The following ELL3 variants were observed in gnomAD, a reference collection of about 807,000 sequenced individuals.
ELL3 encodes the protein RNA polymerase II elongation factor ELL3.
Under a neutral mutation model 58.5 loss-of-function variants are expected in ELL3, and 48 were observed. The ratio of observed to expected loss-of-function variants is 0.82; its 90% CI spans 0.65 to 1.04. The LOEUF (loss-of-function observed/expected upper bound fraction) is 1.04, where lower values mean the gene tolerates loss of function less well. ELL3 is among the 50% of genes least tolerant of loss of function. The pLI is 0.00. For missense variants in ELL3, 458 were observed against 478.4 expected, an observed-to-expected ratio of 0.96 and a Z score of 0.40; for synonymous variants, 174 against 173.2, an observed-to-expected ratio of 1.00 and a Z score of -0.04.
intron 2 of ELL3, 132 bp from the exon 3 acceptor site, chr15:43,776,283 A>T: frequency 9.2e-7 from 1 of 1,091,372 alleles, no homozygotes. Flanking sequence ...CACCAGGTGC[A>T]GCTGGGCCTG....
intron 2 of ELL3, 141 bp from the exon 3 acceptor site, chr15:43,776,292 T>C (rs1377056564): frequency 3.7e-6 from 4 of 1,091,662 alleles, no homozygotes; most frequent in South Asian, 1.4e-5. Flanking sequence ...CAGCTGGGCC[T>C]GAGTTCCCCA....
At chr15:43,776,746 A>G in intron 1 of ELL3, 24 bp downstream of exon 1, 2 of 1,592,456 alleles carry the variant, frequency 1.3e-6, no homozygotes, top group Non-Finnish European at 1.7e-6. Context: ...GGCAGTGACT[A>G]GAGAAGAAGG....
rs1294654588 is a variant in ELL3 at position 43,773,224 on chromosome 15, C to T, written c.1086G>A (p.Gln362=). 2 of 1,613,796 alleles carry T rather than the reference C, an allele frequency of 1.2e-6. No individual in the cohort carries two copies. The part of the protein sequence containing the change: ...IIQEYKKFRK[Q]YPSYREEKRR... The stretch of plus-strand genomic sequence containing the variant: ...GCTTTTCTTCTCTGTAACTTGGGTA[C>T]TGCTGCAGAGAAAAAGCATCCATGT... Residue 362 remains glutamine (Q), a splice_region_variant and synonymous_variant, in exon 11 of 11, where the codon CAG becomes CAA. Transcript: ENST00000319359.
chr15:43,774,208 C>T lies in ELL3; in HGVS notation c.1012G>A (p.Val338Ile). 6.2e-7 allele frequency: 1 copy of T among 1,614,202 alleles called. No homozygotes were observed. The highest frequency in any genetic ancestry group is 8.5e-7 in the Non-Finnish European group (1 of 1,180,044). The part of the protein sequence containing the change: ...FIELGAEIKR[V>I]RRGTPEYKVL... ...TTGTATTCTGGAGTTCCTCGCCGAA[C>T]TCTTTTAATCTCTGCTCCCAGCTCT... The change falls in exon 9 of 11, where the codon GTT becomes ATT. Residue 338 changes from valine to isoleucine, a missense_variant. Physicochemically the swap from Val to Ile is conservative, Grantham distance 29. Coordinates refer to ENST00000319359, the MANE Select transcript of ELL3 (RefSeq NM_025165.3).
At chr15:43,774,447 G>GAACATGTATCATAATAT in intron 8 of ELL3, 29 bp downstream of exon 8, 1 of 1,613,952 alleles carries the variant, frequency 6.2e-7, no homozygotes, top group Non-Finnish European at 8.5e-7. Context: ...AACAAGTCTT[G>GAACATGTATCATAATAT]ATGAAATTGG....
rs552668420 is a variant in ELL3, at chr15:43,775,656, G to GT, written c.484-47_484-46insA. 59 of 1,613,998 alleles carry GT rather than the reference G, an allele frequency of 3.7e-5. 1 individual carries two copies. In the East Asian group the frequency reaches 1.0e-3, roughly 29 times the overall value. On this transcript the variant is annotated intron_variant, in intron 4 of 10. Coordinates refer to ENST00000319359, the MANE Select transcript of ELL3 (RefSeq NM_025165.3). Reference sequence around the variant, plus strand: ...AGCACTTGGTTCCCTGGAGTACTGGGATACCTTGGACTTCAGGCTTTGCCC... The same window carrying GT: ...AGCACTTGGTTCCCTGGAGTACTGGGTATACCTTGGACTTCAGGCTTTGCCC...
At position 43,775,763 on chromosome 15, in the gene ELL3, C is replaced by A. The variant is rs1269200715; in HGVS notation, c.442G>T (p.Glu148Ter). 4 of 1,614,240 alleles carry A rather than the reference C, an allele frequency of 2.5e-6. No individual in the cohort carries two copies. Among genetic ancestry groups the A allele is most frequent in the Non-Finnish European group, 3.4e-6 (4 of 1,180,056 alleles). ...TGTGGCTGTGATACTGCATCTCCTTCAGAATAGCCTCCTGTGTTCTGCCAA... is the reference window on the plus strand; with the variant it reads ...TGTGGCTGTGATACTGCATCTCCTTAAGAATAGCCTCCTGTGTTCTGCCAA... ...ESWQNTGGYS[E>*]GDAVSQPQMA... The change falls in exon 4 of 11, where the codon GAA becomes TAA. Residue 148 changes from glutamate to a stop codon, truncating the protein, a stop_gained. Transcript: ENST00000319359. LOFTEE classifies it high-confidence loss of function.
chr15:43,776,671 C>T, intron 1 of ELL3, 99 bp downstream of exon 1: 5 of 1,545,576 alleles, frequency 3.2e-6, no homozygotes, highest in Non-Finnish European at 4.4e-6. Context: ...CCAGAGCTTG[C>T]GGAAGCCGCT....
chr15:43,776,735 G>T, intron 1 of ELL3, 35 bp downstream of exon 1: 2 of 1,587,296 alleles, frequency 1.3e-6, no homozygotes, highest in South Asian at 1.1e-5. Context: ...AGGTCCCTAG[G>T]GGCAGTGACT....
At chr15:43,775,134 G>A (rs1249384807) in intron 6 of ELL3, among the ~76,000 whole-genome samples, 172 bp downstream of exon 6, 1 of 152,030 alleles carries the variant, frequency 6.6e-6, no homozygotes, top group Non-Finnish European at 1.5e-5. Flanking sequence ...CTGAGCCCAG[G>A]AGTCTCCAGC....
At chr15:43,776,188 AG>A (rs1365165367) in intron 2 of ELL3, 37 bp from the exon 3 acceptor site, 7 of 1,575,332 alleles carry the variant, frequency 4.4e-6, no homozygotes, top group South Asian at 1.1e-5. Flanking sequence ...CCATGAAGTC[AG>A]CCCCTCCCCC....
In ELL3 at chr15:43,774,776, G is replaced by A. The variant is rs1479764195; in HGVS notation, c.646-3C>T. The A allele has an allele frequency of 2.8e-5, 45 of 1,589,370 alleles. No homozygotes were observed. The highest frequency in any genetic ancestry group is 3.4e-5 in the Non-Finnish European group (40 of 1,172,724). On this transcript the variant is annotated splice_polypyrimidine_tract_variant and splice_region_variant and intron_variant, in intron 6 of 10. Transcript: ENST00000319359. The stretch of plus-strand genomic sequence containing the variant: ...GTGGCTACAGGCACTGAACGTTTCT[G>A]TTGAGGAAAATATCTGTGTGACATA...
Position 43,775,903 on chromosome 15 carries a change from T to C in ELL3, c.302A>G (p.His101Arg), listed in dbSNP as rs755852238. Residue 101 changes from histidine to arginine, a missense_variant, in exon 4 of 11, where the codon CAC becomes CGC. His to Arg is a conservative substitution (Grantham distance 29, BLOSUM62 0). Coordinates refer to ENST00000319359, the MANE Select transcript of ELL3 (RefSeq NM_025165.3). ...GCGCTCCCTGAGTGAGCCCAGGCAG[T>C]GGAGGCTGTTAGGCCCAGACCTGGA... ...RFLRSGPNSL[H>R]CLGSLRERLI... 125 of 1,613,964 alleles carry C rather than the reference T, an allele frequency of 7.7e-5. No individual in the cohort carries two copies. The highest frequency in any genetic ancestry group is 9.8e-5 in the Non-Finnish European group (116 of 1,180,018).
chr15:43,776,597 A>G, intron 1 of ELL3, 53 bp from the exon 2 acceptor site: 1 of 1,554,698 alleles, frequency 6.4e-7, no homozygotes, highest in Non-Finnish European at 8.7e-7. Flanking sequence ...CAGTGTCCCC[A>G]GGATCCGGCG....
At position 43,776,540 on chromosome 15, in the gene ELL3, C is replaced by T; in HGVS notation, c.137G>A (p.Arg46Gln). 1 of 1,568,082 alleles carries T rather than the reference C, an allele frequency of 6.4e-7. No homozygotes were observed. Among genetic ancestry groups the T allele is most frequent in the African/African-American group, 1.3e-5 (1 of 74,132 alleles). ...ALQECQRQQV[R>Q]PVIAFQGHRG... ...GTGGCCTTGGAAAGCAATCACCGGC[C>T]GTACCTGCGGGGAGAGCGAAGATGT... The change falls in exon 2 of 11, where the codon CGG becomes CAG. Residue 46 changes from arginine (R) to glutamine (Q), a missense_variant. Arg to Gln is a conservative substitution (Grantham distance 43). Coordinates refer to ENST00000319359, the MANE Select transcript of ELL3 (RefSeq NM_025165.3).
chr15:43,773,975 T>C (rs771585560), intron 9 of ELL3, among the ~76,000 whole-genome samples: 19 of 152,156 alleles, frequency 1.2e-4, no homozygotes, highest in Non-Finnish European at 2.6e-4. Flanking sequence ...GCACTCCAGC[T>C]TGAGAGACGG....
rs781546294 is a variant in ELL3, at chr15:43,773,214, A to G, written c.1096T>C (p.Tyr366His). ...TCACAGCGACGCTTTTCTTCTCTGTAACTTGGGTACTGCTGCAGAGAAAAA... is the reference window on the plus strand; with the variant it reads ...TCACAGCGACGCTTTTCTTCTCTGTGACTTGGGTACTGCTGCAGAGAAAAA... ...YKKFRKQYPSYREEKRRCEYL... is the reference protein window; with the variant it reads ...YKKFRKQYPSHREEKRRCEYL... Residue 366 changes from tyrosine to histidine, a missense_variant, in exon 11 of 11, where the codon TAC becomes CAC. Tyr to His is a moderately conservative substitution (Grantham distance 83). Transcript: ENST00000319359. 6.2e-7 allele frequency: 1 copy of G among 1,613,864 alleles called. No individual in the cohort carries two copies. The highest frequency in any genetic ancestry group is 2.2e-5 in the East Asian group (1 of 44,878).
At position 43,776,120 on chromosome 15, in the gene ELL3, C is replaced by T. The variant is rs1192957421; in HGVS notation, c.200G>A (p.Cys67Tyr). The T allele has an allele frequency of 2.9e-5, 47 of 1,614,022 alleles. No homozygotes were observed. Among genetic ancestry groups the T allele is most frequent in the Non-Finnish European group, 4.0e-5 (47 of 1,180,024 alleles). Reference protein sequence around the residue: ...YLRLPGPGWSCLFSFIVSQCC... With the variant: ...YLRLPGPGWSYLFSFIVSQCC... ...CTGGGACACTATGAAGGAGAAGAGG[C>T]AGGACCAACCAGGGCCTGGGAGTCT... The change falls in exon 3 of 11, where the codon TGC becomes TAC. Residue 67 changes from cysteine (C) to tyrosine (Y), a missense_variant. Cys to Tyr is a radical substitution (Grantham distance 194). Transcript: ENST00000319359.
chr15:43,773,576 T>A (rs2086894195), intron 9 of ELL3, among the ~76,000 whole-genome samples: 1 of 151,866 alleles, frequency 6.6e-6, no homozygotes, highest in African/African-American at 2.4e-5. Context: ...TCTCAGCTGC[T>A]CGGGAGGCTG....
Sources: allele counts gnomAD v4.1 joint callset (sites outside exome capture counted in the v4.1 genomes callset), GRCh38; gene constraint gnomAD v4.1.1; transcripts MANE v1.5; gene names NCBI Gene and HGNC (gene_info 2026-07-23, HGNC 2026-07-21).